The following PTP4A1 variants were observed in gnomAD, a reference collection of about 807,000 sequenced individuals.
PTP4A1 encodes the protein protein tyrosine phosphatase 4A1.
A neutral mutation model predicts 20.5 loss-of-function variants in PTP4A1; 9 were observed. The observed-to-expected ratio is 0.44, with a 90% confidence interval of 0.26 to 0.77. PTP4A1 has a LOEUF of 0.77. PTP4A1 is among the 30% of genes least tolerant of loss of function. The pLI, the probability that PTP4A1 is intolerant of heterozygous loss-of-function variation, is 0.19. For synonymous variants in PTP4A1, 78 were observed against 67.4 expected, an observed-to-expected ratio of 1.16 and a Z score of -0.77; for missense variants, 137 against 218.8, an observed-to-expected ratio of 0.63 and a Z score of 2.36.
At chr6:63,542,155 A>G (rs969018183) in intron 2 of PTP4A1, among the ~76,000 whole-genome samples, 3 of 152,028 alleles carry the variant, frequency 2.0e-5, no homozygotes, top group Admixed American at 1.3e-4. Context: ...TACTAGTCTA[A>G]GTGAAGTAAC....
At chr6:63,522,724 C>T (rs77457721) in intron 1 of PTP4A1, among the ~76,000 whole-genome samples, 3,589 of 152,230 alleles carry the variant, frequency 0.024, 79 homozygotes, top group Non-Finnish European at 0.039. Flanking sequence ...ACAGCTGATA[C>T]TCTTTCAACA....
At chr6:63,546,583 G>T (rs886338268) in intron 2 of PTP4A1, among the ~76,000 whole-genome samples, 5 of 152,176 alleles carry the variant, frequency 3.3e-5, no homozygotes, top group Non-Finnish European at 5.9e-5. Context: ...GTGCATGCCT[G>T]TAATCCCAGC....
At chr6:63,549,020 G>T in intron 2 of PTP4A1, 1 of 728,074 alleles carries the variant, frequency 1.4e-6, no homozygotes. Flanking sequence ...CCAGCTCGAT[G>T]GGATCCACGT....
At chr6:63,576,063 GATA>G (rs1777844746) in intron 1 of PTP4A1, among the ~76,000 whole-genome samples, 1 of 150,360 alleles carries the variant, frequency 6.7e-6, no homozygotes, top group Admixed American at 6.7e-5. Context: ...TATCGAAAGG[GATA>G]ATTATTAGAA....
At chr6:63,527,757 G>A (rs1775251066) in intron 1 of PTP4A1, 1 of 152,194 alleles carries the variant, frequency 6.6e-6, no homozygotes, top group South Asian at 2.1e-4. Flanking sequence ...GGAAGTTAGA[G>A]CTTAGACAGT....
rs117241353 is a variant in PTP4A1 at position 63,548,514 on chromosome 6, A to T, written c.-639-1786A>T. Among the ~76,000 whole-genome samples the T allele has an allele frequency of 1.8e-3, 271 of 152,266 alleles. 11 individuals are homozygous for T. The East Asian group carries it at 0.048, about 27-fold the overall frequency. On this transcript the variant is annotated intron_variant, in intron 2 of 3. Transcript: ENST00000639568. ...TCTCCATCGTAGCAGCCTGTGAGCT[A>T]TGTAGAGCCTGTGACCATGTCCTGT...
chr6:63,526,803 GTATA>G lies in PTP4A1; in HGVS notation c.-905-986_-905-983del, dbSNP rs376671990. Among the ~76,000 whole-genome samples, 619 of 101,422 alleles carry G rather than the reference GTATA, an allele frequency of 6.1e-3. 6 individuals carry two copies. Among genetic ancestry groups the G allele is most frequent in the Middle Eastern group, 0.017 (3 of 178 alleles). 66.5% of individuals were successfully genotyped at this position (101,422 alleles called of 152,430 possible). ...CAGAGCAAGACTCTATCTCAAAAAT[GTATA>G]TATATATATATATATATATATATAT... On this transcript the variant is annotated intron_variant, in intron 1 of 3. Coordinates refer to the PTP4A1 transcript ENST00000639568.
At chr6:63,519,095 G>T (rs188658139), upstream of PTP4A1, among the ~76,000 whole-genome samples, 8 of 152,234 alleles carry the variant, frequency 5.3e-5, no homozygotes, top group Admixed American at 6.5e-5. Flanking sequence ...CGGGCAGATC[G>T]CCTGAAGTTC....
chr6:63,559,404 T>C (rs1372445297), intron 3 of PTP4A1, among the ~76,000 whole-genome samples: 1 of 152,010 alleles, frequency 6.6e-6, no homozygotes, highest in Non-Finnish European at 1.5e-5. Context: ...GAACACTAAA[T>C]AAAAGAAAAA....
chr6:63,555,320 C>T (rs548337520), intron 3 of PTP4A1, among the ~76,000 whole-genome samples: 2 of 152,066 alleles, frequency 1.3e-5, no homozygotes, highest in East Asian at 1.9e-4. Context: ...CGGAGAGTTC[C>T]CTGGAAATTA....
At chr6:63,551,482 C>T (rs551516710) in intron 3 of PTP4A1, among the ~76,000 whole-genome samples, 1 of 152,268 alleles carries the variant, frequency 6.6e-6, no homozygotes, top group Admixed American at 6.5e-5. Flanking sequence ...TCTTTCCAGG[C>T]TTTTTTCCTA....
Position 63,529,131 on chromosome 6 carries a change from G to GTGTGTATATATATATATGTATATATA in PTP4A1, c.-640+1052_-640+1053insATATATATATATGTATATATATGTGT, listed in dbSNP as rs1562112355. On this transcript the variant is annotated intron_variant, in intron 2 of 3. Transcript: ENST00000639568. ...TGTATATATATATATGTATATATAT[G>GTGTGTATATATATATATGTATATATA]TGTGTGTATATATATATGTATATAT... is the stretch of plus-strand genomic sequence containing the variant. Among the ~76,000 whole-genome samples the GTGTGTATATATATATATGTATATATA allele has an allele frequency of 7.6e-3, 992 of 130,112 alleles. 11 individuals carry two copies. Among genetic ancestry groups the GTGTGTATATATATATATGTATATATA allele is most frequent in the African/African-American group, 0.029 (936 of 31,764 alleles). 85.4% of individuals were successfully genotyped at this position (130,112 alleles called of 152,430 possible).
At chr6:63,560,338 CAAAA>C (rs369689231) in intron 3 of PTP4A1, among the ~76,000 whole-genome samples, 2 of 50,580 alleles carry the variant, frequency 4.0e-5, no homozygotes, top group Admixed American at 2.0e-4. Context: ...GACTCCGTCT[CAAAA>C]AAAAAAAAAA....
chr6:63,518,655 T>C (rs535963805), upstream of PTP4A1, among the ~76,000 whole-genome samples: 4 of 152,358 alleles, frequency 2.6e-5, no homozygotes, highest in African/African-American at 9.6e-5. Context: ...TCTAGGTCTC[T>C]TTACAGCTAA....
At chr6:63,555,579 G>A (rs1350050465) in intron 3 of PTP4A1, among the ~76,000 whole-genome samples, 1 of 152,148 alleles carries the variant, frequency 6.6e-6, no homozygotes, top group African/African-American at 2.4e-5. Context: ...TAGTTATGGA[G>A]GATTTTGTCT....
intron 2 of PTP4A1, among the ~76,000 whole-genome samples, chr6:63,536,363 T>C (rs933890623): frequency 6.6e-5 from 10 of 152,048 alleles, no homozygotes; most frequent in Non-Finnish European, 1.3e-4. Flanking sequence ...GAAAAATCAA[T>C]AGCTATATTT....
At chr6:63,526,777 A>C (rs1165161176) in intron 1 of PTP4A1, among the ~76,000 whole-genome samples, 1 of 145,474 alleles carries the variant, frequency 6.9e-6, no homozygotes, top group Non-Finnish European at 1.5e-5. Flanking sequence ...CCAACCTGCG[A>C]CAGAGCAAGA....
chr6:63,524,130 C>A (rs925577648), intron 1 of PTP4A1, among the ~76,000 whole-genome samples: 1 of 151,866 alleles, frequency 6.6e-6, no homozygotes, highest in Non-Finnish European at 1.5e-5. Context: ...GACTACAGGC[C>A]CGCACCACCA....
chr6:63,572,403 G>A (rs934056809), upstream of PTP4A1: 4 of 343,374 alleles, frequency 1.2e-5, no homozygotes, highest in South Asian at 1.5e-4. Context: ...CCTGGCCCGC[G>A]GTTCCAGGCC....
Sources: allele counts gnomAD v4.1 joint callset (sites outside exome capture counted in the v4.1 genomes callset), GRCh38; gene constraint gnomAD v4.1.1; transcripts MANE v1.5; gene names NCBI Gene and HGNC (gene_info 2026-07-23, HGNC 2026-07-21).